Variants in PPARGC1A observed in about 807,000 individuals in gnomAD.
The protein encoded by PPARGC1A is PPARG coactivator 1 alpha.
Under a neutral mutation model 88.7 loss-of-function variants are expected in PPARGC1A, and 25 were observed. The ratio of observed to expected loss-of-function variants is 0.28; its 90% CI spans 0.21 to 0.39. The LOEUF is 0.39. Among genes scored for constraint, PPARGC1A ranks in the 10% least tolerant of loss-of-function variants. The pLI, the probability that PPARGC1A is intolerant of heterozygous loss-of-function variation, is 1.00. For synonymous variants in PPARGC1A, 363 were observed against 355.6 expected, an observed-to-expected ratio of 1.02 and a Z score of -0.24; for missense variants, 880 against 968.7, an observed-to-expected ratio of 0.91 and a Z score of 1.22.
chr4:24,296,185 G>A, the PPARGC1A span, among the ~76,000 whole-genome samples: 1 of 148,194 alleles, frequency 6.7e-6, no homozygotes, highest in Non-Finnish European at 1.5e-5. Flanking sequence ...GTGTGTGTAT[G>A]TGTGTATGTG....
the PPARGC1A span, among the ~76,000 whole-genome samples, chr4:24,175,393 A>G: frequency 1.3e-3 from 87 of 67,490 alleles, no homozygotes; most frequent in East Asian, 0.036. Context: ...TTTTTTTTTG[A>G]GACAGAGTTT....
At chr4:24,069,856 C>T in the PPARGC1A span, among the ~76,000 whole-genome samples, 1 of 152,234 alleles carries the variant, frequency 6.6e-6, no homozygotes, top group Non-Finnish European at 1.5e-5. Flanking sequence ...AAATAATTGA[C>T]CTCATCACAT....
At chr4:24,070,404 A>T in the PPARGC1A span, among the ~76,000 whole-genome samples, 1 of 152,186 alleles carries the variant, frequency 6.6e-6, no homozygotes. Context: ...GGTTTATACG[A>T]TGCAGTAAAG....
chr4:24,457,962 T>C, the PPARGC1A span, among the ~76,000 whole-genome samples: 1 of 151,814 alleles, frequency 6.6e-6, no homozygotes, highest in Non-Finnish European at 1.5e-5. Flanking sequence ...CAACAGAACA[T>C]AGGCCAGTAG....
chr4:23,984,893 G>C, the PPARGC1A span, among the ~76,000 whole-genome samples: 1 of 152,182 alleles, frequency 6.6e-6, no homozygotes, highest in East Asian at 1.9e-4. Context: ...AGGATGTAGA[G>C]AGCAATTTCC....
chr4:23,925,626 A>G, the PPARGC1A span, among the ~76,000 whole-genome samples: 1 of 152,250 alleles, frequency 6.6e-6, no homozygotes, highest in Non-Finnish European at 1.5e-5. Flanking sequence ...GAATGGATTC[A>G]GTTAAAAAGA....
chr4:24,096,713 A>G, the PPARGC1A span, among the ~76,000 whole-genome samples: 5 of 152,210 alleles, frequency 3.3e-5, no homozygotes, highest in Non-Finnish European at 5.9e-5. Flanking sequence ...TATGAAATTT[A>G]ATGTCAAATT....
chr4:24,207,382 C>T, the PPARGC1A span, among the ~76,000 whole-genome samples: 1 of 152,180 alleles, frequency 6.6e-6, no homozygotes, highest in Non-Finnish European at 1.5e-5. Context: ...GCCAATTTCA[C>T]TTTTATAAAA....
At chr4:23,945,097 G>A in the PPARGC1A span, among the ~76,000 whole-genome samples, 2 of 151,906 alleles carry the variant, frequency 1.3e-5, no homozygotes, top group Admixed American at 1.3e-4. Context: ...AATAGTGCCA[G>A]GTACATTATA....
upstream of PPARGC1A, among the ~76,000 whole-genome samples, chr4:23,893,562 T>C (rs1718157940): frequency 6.6e-6 from 1 of 152,158 alleles, no homozygotes; most frequent in Admixed American, 6.5e-5. Context: ...AAGAGATGTG[T>C]CTACTGTGAT....
chr4:23,921,636 G>A, the PPARGC1A span, among the ~76,000 whole-genome samples: 1 of 152,304 alleles, frequency 6.6e-6, no homozygotes, highest in South Asian at 2.1e-4. Context: ...AGGGGTTAAC[G>A]AGACAAGCGC....
intron 7 of PPARGC1A, among the ~76,000 whole-genome samples, chr4:23,816,354 A>G (rs532590415): frequency 6.6e-6 from 1 of 152,198 alleles, no homozygotes; most frequent in Non-Finnish European, 1.5e-5. Flanking sequence ...ACTGAGGCAC[A>G]CTCAACTCTT....
At chr4:24,424,852 C>T in the PPARGC1A span, among the ~76,000 whole-genome samples, 3 of 152,128 alleles carry the variant, frequency 2.0e-5, no homozygotes, top group Non-Finnish European at 4.4e-5. Flanking sequence ...GGCTCTGTGC[C>T]GTTGACACCT....
At chr4:24,405,666 T>C in the PPARGC1A span, among the ~76,000 whole-genome samples, 1 of 152,124 alleles carries the variant, frequency 6.6e-6, no homozygotes, top group Non-Finnish European at 1.5e-5. Context: ...ATTGAACTGC[T>C]ATCCCAAGGT....
the PPARGC1A span, among the ~76,000 whole-genome samples, chr4:24,204,687 A>AT: frequency 6.6e-6 from 1 of 152,018 alleles, no homozygotes; most frequent in Admixed American, 6.5e-5. Flanking sequence ...ACTCAGTAAC[A>AT]TTTTGTCCAC....
chr4:24,467,414 A>T, the PPARGC1A span, among the ~76,000 whole-genome samples: 1 of 152,232 alleles, frequency 6.6e-6, no homozygotes, highest in Non-Finnish European at 1.5e-5. Context: ...ATAGAAGCCC[A>T]GTTGATATTT....
the PPARGC1A span, among the ~76,000 whole-genome samples, chr4:24,040,845 T>C: frequency 1.1e-4 from 16 of 152,192 alleles, no homozygotes; most frequent in South Asian, 4.1e-4. Flanking sequence ...CCAACATCCA[T>C]ATTAATTATC....
At chr4:23,991,634 C>T in the PPARGC1A span, among the ~76,000 whole-genome samples, 9 of 152,062 alleles carry the variant, frequency 5.9e-5, no homozygotes, top group African/African-American at 2.2e-4. Flanking sequence ...ATCTCCCCAA[C>T]AACCCTGCAA....
At chr4:24,107,615 A>G in the PPARGC1A span, among the ~76,000 whole-genome samples, 2 of 152,152 alleles carry the variant, frequency 1.3e-5, no homozygotes, top group Non-Finnish European at 2.9e-5. Flanking sequence ...AGTGTAGAGC[A>G]TGTTCAGACA....
Sources: allele counts gnomAD v4.1 joint callset (sites outside exome capture counted in the v4.1 genomes callset), GRCh38; gene constraint gnomAD v4.1.1; transcripts MANE v1.5; gene names NCBI Gene and HGNC (gene_info 2026-07-23, HGNC 2026-07-21).